The following EPHA6 variants were observed in gnomAD, a reference collection of about 807,000 sequenced individuals.
The protein encoded by EPHA6 is ephrin type-A receptor 6.
Under a neutral mutation model 112.0 loss-of-function variants are expected in EPHA6, and 50 were observed. The ratio of observed to expected loss-of-function variants is 0.45; its 90% CI spans 0.36 to 0.56. The LOEUF is 0.56. Ranked by LOEUF, EPHA6 falls within the 20% of genes least tolerant of loss-of-function variation. The probability of loss-of-function intolerance (pLI) is 0.00; values close to 1 mark genes in which losing one functional copy is unlikely to be tolerated. For synonymous variants in EPHA6, 529 were observed against 490.7 expected, an observed-to-expected ratio of 1.08 and a Z score of -1.03; for missense variants, 1,280 against 1,417.4, an observed-to-expected ratio of 0.90 and a Z score of 1.56.
intron 14 of EPHA6, among the ~76,000 whole-genome samples, chr3:97,709,743 G>C (rs1239998190): frequency 6.6e-6 from 1 of 152,136 alleles, no homozygotes; most frequent in Non-Finnish European, 1.5e-5. Context: ...GGATCTTGGG[G>C]GCAGTCTCCC....
chr3:97,135,503 A>T (rs2075744515), intron 3 of EPHA6, among the ~76,000 whole-genome samples: 1 of 152,164 alleles, frequency 6.6e-6, no homozygotes, highest in African/African-American at 2.4e-5. Flanking sequence ...CAAGAAGTCT[A>T]CCTCAATTTT....
chr3:97,012,306 C>T (rs1250494212), intron 3 of EPHA6, among the ~76,000 whole-genome samples: 3 of 151,318 alleles, frequency 2.0e-5, no homozygotes, highest in Non-Finnish European at 4.4e-5. Context: ...TTTGCAGCCT[C>T]ACCAGCATCT....
intron 13 of EPHA6, among the ~76,000 whole-genome samples, chr3:97,629,118 G>C (rs1182383632): frequency 6.6e-6 from 1 of 151,764 alleles, no homozygotes; most frequent in African/African-American, 2.4e-5. Flanking sequence ...TGTAGAGATG[G>C]GGTCTTACTC....
intron 1 of EPHA6, among the ~76,000 whole-genome samples, chr3:96,851,165 C>G (rs537709216): frequency 6.6e-6 from 1 of 152,232 alleles, no homozygotes; most frequent in East Asian, 1.9e-4. Flanking sequence ...TGCTAATTAT[C>G]TGAGTGATCT....
At chr3:97,450,651 T>C (rs561521403) in intron 7 of EPHA6, among the ~76,000 whole-genome samples, 16 of 152,190 alleles carry the variant, frequency 1.1e-4, no homozygotes, top group Non-Finnish European at 2.2e-4. Context: ...TCAGATGTTA[T>C]GTAGAATAAA....
intron 2 of EPHA6, among the ~76,000 whole-genome samples, chr3:96,886,419 T>C (rs2037628025): frequency 6.6e-6 from 1 of 152,210 alleles, no homozygotes; most frequent in South Asian, 2.1e-4. Flanking sequence ...CCTTTTACCA[T>C]TATATAATGT....
At chr3:97,029,478 G>GA (rs2044751940) in intron 3 of EPHA6, among the ~76,000 whole-genome samples, 3 of 151,792 alleles carry the variant, frequency 2.0e-5, no homozygotes, top group South Asian at 4.2e-4. Context: ...AGAAAAGCTA[G>GA]AAAAAAATAC....
intron 3 of EPHA6, among the ~76,000 whole-genome samples, chr3:97,158,504 T>C (rs1005474032): frequency 1.3e-5 from 2 of 152,182 alleles, no homozygotes; most frequent in Non-Finnish European, 2.9e-5. Context: ...AGGAGACTTA[T>C]TTGCCAAAGT....
chr3:97,643,504 A>G (rs2107582947), intron 14 of EPHA6, among the ~76,000 whole-genome samples: 1 of 149,078 alleles, frequency 6.7e-6, no homozygotes, highest in African/African-American at 2.5e-5. Flanking sequence ...GGCAAATTGG[A>G]TAAAGAGTCA....
At chr3:97,732,561 A>T (rs563035919) in intron 15 of EPHA6, among the ~76,000 whole-genome samples, 16 of 152,220 alleles carry the variant, frequency 1.1e-4, no homozygotes, top group African/African-American at 3.1e-4. Context: ...AATCTGTTAG[A>T]AACATATATC....
intron 5 of EPHA6, among the ~76,000 whole-genome samples, chr3:97,375,755 A>T (rs1362106766): frequency 6.6e-6 from 1 of 152,208 alleles, no homozygotes; most frequent in Non-Finnish European, 1.5e-5. Context: ...ACTAAAAGGA[A>T]CTAATGACTA....
chr3:97,431,975 G>T (rs1326171820), intron 6 of EPHA6, among the ~76,000 whole-genome samples: 1 of 151,962 alleles, frequency 6.6e-6, no homozygotes, highest in Non-Finnish European at 1.5e-5. Context: ...TGGTTTCATT[G>T]TACCTATGAC....
intron 4 of EPHA6, among the ~76,000 whole-genome samples, chr3:97,229,616 AAAACTAGACT>A (rs1182861650): frequency 3.3e-5 from 5 of 152,192 alleles, no homozygotes; most frequent in Non-Finnish European, 1.5e-5. Context: ...CCATAGAAGC[AAAACTAGACT>A]TATGTAATGT....
intron 3 of EPHA6, among the ~76,000 whole-genome samples, chr3:96,993,976 GA>G (rs2043311072): frequency 1.3e-5 from 2 of 152,074 alleles, no homozygotes; most frequent in Non-Finnish European, 2.9e-5. Context: ...TATTTAAATT[GA>G]TGTATATTTA....
intron 4 of EPHA6, 92 bp downstream of exon 4, chr3:97,226,511 C>A (rs575076714): frequency 3.3e-6 from 4 of 1,204,940 alleles, no homozygotes; most frequent in Admixed American, 2.3e-5. Flanking sequence ...TGTACAAAAT[C>A]TTGCATTATC....
At chr3:97,226,862 T>G (rs923675329) in intron 4 of EPHA6, among the ~76,000 whole-genome samples, 6 of 152,334 alleles carry the variant, frequency 3.9e-5, no homozygotes, top group South Asian at 4.1e-4. Flanking sequence ...GTTATTGTTA[T>G]GTAGAAAAGT....
intron 5 of EPHA6, among the ~76,000 whole-genome samples, chr3:97,395,182 A>G (rs556464487): frequency 6.6e-6 from 1 of 151,906 alleles, no homozygotes; most frequent in African/African-American, 2.4e-5. Context: ...CTTGCTGCAT[A>G]TAAGTCTCAT....
At chr3:97,198,983 G>A (rs760046401) in intron 3 of EPHA6, among the ~76,000 whole-genome samples, 3 of 152,036 alleles carry the variant, frequency 2.0e-5, no homozygotes, top group Non-Finnish European at 4.4e-5. Flanking sequence ...TAAGTATAGG[G>A]CTTTTATTTT....
In EPHA6 at chr3:97,627,890, A is replaced by G. The variant is rs535272057; in HGVS notation, c.2575-9983A>G. ...TGAAATCAAAATCTCTTGGGATGGGACATATGCATCAATATTTGTCAAAAG... is the reference window on the plus strand; with the variant it reads ...TGAAATCAAAATCTCTTGGGATGGGGCATATGCATCAATATTTGTCAAAAG... On this transcript the variant is annotated intron_variant, in intron 13 of 17. Transcript: ENST00000389672. Among the ~76,000 whole-genome samples the G allele has an allele frequency of 1.2e-3, 188 of 152,104 alleles. 2 individuals are homozygous for G. The highest frequency in any genetic ancestry group is 4.3e-3 in the African/African-American group (180 of 41,550).
Sources: gnomAD v4.1 joint callset for allele counts (sites outside exome capture counted in the v4.1 genomes callset) on GRCh38, gnomAD v4.1.1 for gene constraint, MANE v1.5 for transcripts, NCBI Gene and HGNC (gene_info 2026-07-23, HGNC 2026-07-21) for gene names.